Variants in NOVA1 observed in about 807,000 individuals in gnomAD.
The protein encoded by NOVA1 is RNA-binding protein Nova-1.
A neutral mutation model predicts 38.0 loss-of-function variants in NOVA1; 7 were observed. That is an observed-to-expected ratio of 0.18 (90% CI 0.10 to 0.35). The LOEUF is 0.35. Ranked by LOEUF, NOVA1 falls within the 10% of genes least tolerant of loss-of-function variation. The pLI, the probability that NOVA1 is intolerant of heterozygous loss-of-function variation, is 1.00. For synonymous variants in NOVA1, 270 were observed against 232.5 expected (o/e 1.16, Z -1.47); for missense variants, 460 against 616.0 (o/e 0.75, Z 2.68).
chr14:26,570,554 TATATGTGTATGTGTATAC>T (rs1205216408), intron 2 of NOVA1, among the ~76,000 whole-genome samples: 2 of 151,570 alleles, frequency 1.3e-5, no homozygotes, highest in South Asian at 4.2e-4. Context: ...AACACATTTG[TATATGTGTATGTGTATAC>T]ATATGTGTAT....
At position 26,596,615 on chromosome 14, in the gene NOVA1, T is replaced by C. The variant is rs774745520; in HGVS notation, c.136+686A>G. ...GGGTGCATTGTTAAGATGATTCCAG[T>C]GCAAATGAAGAAGCGATATCGGTCC... On this transcript the variant is annotated intron_variant, in intron 1 of 4. Coordinates refer to ENST00000539517, the MANE Select transcript of NOVA1 (RefSeq NM_002515.3). The C allele has an allele frequency of 3.1e-6, 4 of 1,289,112 alleles. No homozygotes were observed. In the South Asian group the frequency reaches 4.9e-5, roughly 16 times the overall value. 79.9% of individuals were successfully genotyped at this position (1,289,112 alleles called of 1,614,324 possible). A position where few individuals can be genotyped will look rare whatever the true frequency, so the allele number is the denominator to read the frequency against.
intron 4 of NOVA1, among the ~76,000 whole-genome samples, chr14:26,453,255 T>G (rs545261716): frequency 6.6e-6 from 1 of 152,130 alleles, no homozygotes; most frequent in East Asian, 1.9e-4. Context: ...CCACCCAGGC[T>G]GGAGTACAGT....
intron 2 of NOVA1, among the ~76,000 whole-genome samples, chr14:26,502,191 T>C (rs1213500856): frequency 6.6e-6 from 1 of 151,828 alleles, no homozygotes; most frequent in Non-Finnish European, 1.5e-5. Flanking sequence ...GACCCTGATG[T>C]TGGACTGAAT....
chr14:26,453,819 T>C (rs61988528), intron 4 of NOVA1, among the ~76,000 whole-genome samples: 3,911 of 152,220 alleles, frequency 0.026, 68 homozygotes, highest in Non-Finnish European at 0.043. Context: ...ATTTGAGAGC[T>C]CCCAATTAAT....
chr14:26,570,434 G>A (rs1892399362), intron 2 of NOVA1, among the ~76,000 whole-genome samples: 1 of 151,746 alleles, frequency 6.6e-6, no homozygotes. Flanking sequence ...CTCAACTGCT[G>A]TGGTTATAGT....
intron 2 of NOVA1, among the ~76,000 whole-genome samples, chr14:26,560,386 G>A (rs956449113): frequency 6.6e-6 from 1 of 152,132 alleles, no homozygotes; most frequent in South Asian, 2.1e-4. Flanking sequence ...AACTGTCAAA[G>A]TGGTGTTCTA....
At chr14:26,523,705 T>C (rs986975691) in intron 2 of NOVA1, among the ~76,000 whole-genome samples, 17 of 152,030 alleles carry the variant, frequency 1.1e-4, no homozygotes, top group African/African-American at 3.9e-4. Flanking sequence ...TTCCTTGATA[T>C]ATCATTCTTT....
At chr14:26,567,766 C>T (rs1370207434) in intron 2 of NOVA1, among the ~76,000 whole-genome samples, 1 of 152,184 alleles carries the variant, frequency 6.6e-6, no homozygotes, top group Non-Finnish European at 1.5e-5. Flanking sequence ...ATAGTCATCT[C>T]AATATGCTAA....
At position 26,445,145 on chromosome 14, in the gene NOVA1, G is replaced by A. The variant is rs1881974961; in HGVS notation, c.*2814C>T. On this transcript the variant is annotated 3_prime_UTR_variant, in exon 5 of 5. Transcript: ENST00000539517. Reference sequence around the variant, plus strand: ...CACCAGCCTCCCTATAGCAAAACAAGTCTATAAATAGTTGCATTTCATAAG... The same window carrying A: ...CACCAGCCTCCCTATAGCAAAACAAATCTATAAATAGTTGCATTTCATAAG... The A allele has an allele frequency of 6.6e-6, 1 of 152,136 alleles. No individual in the cohort carries two copies. The highest frequency in any genetic ancestry group is 2.4e-5 in the African/African-American group (1 of 41,424). 9.4% of individuals were successfully genotyped at this position (152,136 alleles called of 1,614,324 possible).
At chr14:26,596,990 G>A in intron 1 of NOVA1, 6 of 1,242,820 alleles carry the variant, frequency 4.8e-6, no homozygotes, top group Non-Finnish European at 6.1e-6. Context: ...GGACCTTCTT[G>A]CCCAGGTCTA....
intron 4 of NOVA1, among the ~76,000 whole-genome samples, chr14:26,467,454 A>T (rs1183817467): frequency 6.6e-6 from 1 of 152,192 alleles, no homozygotes; most frequent in African/African-American, 2.4e-5. Context: ...TGGGAAATAG[A>T]GAGTAGAGAT....
At position 26,511,778 on chromosome 14, in the gene NOVA1, C is replaced by G. The variant is rs368130661; in HGVS notation, c.281-31635G>C. The stretch of plus-strand genomic sequence containing the variant: ...AAGAAAAAAAAAAAGAAGAGTTTCC[C>G]AAAGTTTTAAGGTGTGTTGGGTAGG... On this transcript the variant is annotated intron_variant, in intron 2 of 4. Transcript: ENST00000539517. Among the ~76,000 whole-genome samples, 185 of 151,712 alleles carry G rather than the reference C, an allele frequency of 1.2e-3. 1 individual carries two copies. The highest frequency in any genetic ancestry group is 4.2e-3 in the African/African-American group (174 of 41,412).
At chr14:26,503,534 CAATTCT>C (rs1356192216) in intron 2 of NOVA1, among the ~76,000 whole-genome samples, 1 of 151,996 alleles carries the variant, frequency 6.6e-6, no homozygotes, top group East Asian at 1.9e-4. Flanking sequence ...TACTCTAGTA[CAATTCT>C]ATTGGAATGG....
chr14:26,595,917 G>T, intron 1 of NOVA1: 1 of 399,734 alleles, frequency 2.5e-6, no homozygotes, highest in Non-Finnish European at 4.8e-6. Flanking sequence ...AAACTTCAGA[G>T]GTTTATAAGA....
intron 2 of NOVA1, among the ~76,000 whole-genome samples, chr14:26,523,631 T>A (rs1001322361): frequency 1.3e-5 from 2 of 152,204 alleles, no homozygotes; most frequent in Admixed American, 1.3e-4. Context: ...ACAATCAGTA[T>A]GGTTGTATAC....
At chr14:26,589,845 T>C (rs962135841) in intron 2 of NOVA1, among the ~76,000 whole-genome samples, 4 of 151,856 alleles carry the variant, frequency 2.6e-5, no homozygotes, top group Admixed American at 1.3e-4. Context: ...ATTAAAGACG[T>C]AGGAAAGCTG....
intron 2 of NOVA1, among the ~76,000 whole-genome samples, chr14:26,542,319 T>G (rs1890514036): frequency 6.6e-6 from 1 of 151,924 alleles, no homozygotes. Flanking sequence ...ATTTTTCAAT[T>G]TTCTCTACTT....
At chr14:26,578,256 G>A (rs552117912) in intron 2 of NOVA1, among the ~76,000 whole-genome samples, 1 of 152,180 alleles carries the variant, frequency 6.6e-6, no homozygotes, top group East Asian at 1.9e-4. Flanking sequence ...AATGAAAAGA[G>A]AGGAAATGGA....
chr14:26,505,855 A>AT (rs1312552831), intron 2 of NOVA1, among the ~76,000 whole-genome samples: 1 of 152,146 alleles, frequency 6.6e-6, no homozygotes, highest in Non-Finnish European at 1.5e-5. Flanking sequence ...TGTTTGAAAT[A>AT]TTTTATTCCA....
Sources: gnomAD v4.1 joint callset for allele counts (sites outside exome capture counted in the v4.1 genomes callset) on GRCh38, gnomAD v4.1.1 for gene constraint, MANE v1.5 for transcripts, NCBI Gene and HGNC (gene_info 2026-07-23, HGNC 2026-07-21) for gene names.